RCOR3: variants seen among roughly 807,000 people sequenced by gnomAD.
RCOR3 encodes the protein REST corepressor 3.
RCOR3 carries 13 observed loss-of-function variants against 64.1 expected under a neutral mutation model. The ratio of observed to expected loss-of-function variants is 0.20; its 90% CI spans 0.13 to 0.32. The LOEUF (loss-of-function observed/expected upper bound fraction) is 0.32. Ranked by LOEUF, RCOR3 falls within the 10% of genes least tolerant of loss-of-function variation. The pLI, the probability that RCOR3 is intolerant of heterozygous loss-of-function variation, is 1.00. For synonymous variants in RCOR3, 215 were observed against 239.0 expected (o/e 0.90, Z 0.93); for missense variants, 489 against 701.2 (o/e 0.70, Z 3.42).
At chr1:211,307,482 A>T (rs989584516) in intron 10 of RCOR3, among the ~76,000 whole-genome samples, 50 of 8,298 alleles carry the variant, frequency 6.0e-3, no homozygotes, top group Non-Finnish European at 0.016. Flanking sequence ...CTCTGACTCA[A>T]AAAAAAAAGA....
intron 2 of RCOR3, among the ~76,000 whole-genome samples, chr1:211,270,281 TTGAACTCGTGACCTCAGG>T (rs1484539411): frequency 6.6e-6 from 1 of 152,142 alleles, no homozygotes; most frequent in Non-Finnish European, 1.5e-5. Flanking sequence ...CAGGCTAGTC[TTGAACTCGTGACCTCAGG>T]TGATCCGCCT....
chr1:211,309,050 A>G (rs2102669248), intron 10 of RCOR3, among the ~76,000 whole-genome samples: 1 of 147,476 alleles, frequency 6.8e-6, no homozygotes, highest in South Asian at 2.2e-4. Flanking sequence ...AAACATACCA[A>G]AGGTAGCTAT....
intron 8 of RCOR3, among the ~76,000 whole-genome samples, chr1:211,290,971 G>GT (rs1236109378): frequency 4.9e-5 from 7 of 143,894 alleles, no homozygotes; most frequent in African/African-American, 1.6e-4. Context: ...TTGTTTGTTT[G>GT]GTTTTTTTTT....
chr1:211,303,262 C>T (rs1700559354), intron 9 of RCOR3: 2 of 152,086 alleles, frequency 1.3e-5, no homozygotes, highest in South Asian at 4.1e-4. Flanking sequence ...TGAGTACTTG[C>T]ACCTCCTTAC....
At chr1:211,281,645 T>C (rs1163391991) in intron 7 of RCOR3, among the ~76,000 whole-genome samples, 1 of 152,248 alleles carries the variant, frequency 6.6e-6, no homozygotes, top group Non-Finnish European at 1.5e-5. Flanking sequence ...GTTTTAGATA[T>C]GTCGTTTAGT....
chr1:211,290,782 C>CT (rs2102580032), intron 8 of RCOR3, among the ~76,000 whole-genome samples: 1 of 152,258 alleles, frequency 6.6e-6, no homozygotes, highest in East Asian at 1.9e-4. Flanking sequence ...TCTTAAAGCT[C>CT]TTTGTTAGTT....
At chr1:211,289,643 TTCTA>T (rs1449342045) in intron 8 of RCOR3, among the ~76,000 whole-genome samples, 2 of 152,232 alleles carry the variant, frequency 1.3e-5, no homozygotes, top group Non-Finnish European at 2.9e-5. Context: ...AGCTTCAATG[TTCTA>T]TCTATAAAAT....
Position 211,295,343 on chromosome 1 carries a change from T to A in RCOR3, c.940-333T>A, listed in dbSNP as rs141810206. Among the ~76,000 whole-genome samples the A allele has an allele frequency of 1.7e-3, 264 of 152,286 alleles. 1 individual carries two copies. Among genetic ancestry groups the A allele is most frequent in the African/African-American group, 6.0e-3 (251 of 41,566 alleles). On this transcript the variant is annotated intron_variant, in intron 8 of 11. Coordinates refer to ENST00000419091, the MANE Select transcript of RCOR3 (RefSeq NM_001136223.3). ...ATCATTACTATTGGAAAAATTCTTA[T>A]TTAGTCAAAACACTATGGTAATGAG...
chr1:211,276,150 A>C (rs1696935806), intron 4 of RCOR3, 107 bp from the exon 5 acceptor site: 13 of 1,037,226 alleles, frequency 1.3e-5, no homozygotes, highest in Non-Finnish European at 1.8e-5. Flanking sequence ...GTCTATCTTC[A>C]GTCGAAGTCA....
chr1:211,292,724 C>G (rs1699388029), intron 8 of RCOR3, among the ~76,000 whole-genome samples: 1 of 152,182 alleles, frequency 6.6e-6, no homozygotes, highest in Non-Finnish European at 1.5e-5. Flanking sequence ...GTGCCACATA[C>G]TCTCAATTAC....
At chr1:211,276,211 G>T (rs2102496104) in intron 4 of RCOR3, 46 bp from the exon 5 acceptor site, 1 of 1,559,148 alleles carries the variant, frequency 6.4e-7, no homozygotes, top group East Asian at 2.3e-5. Flanking sequence ...AAGTGTGATG[G>T]AACATAAGTC....
intron 3 of RCOR3, 42 bp downstream of exon 3, chr1:211,271,351 A>T: frequency 6.6e-7 from 1 of 1,504,370 alleles, no homozygotes; most frequent in Non-Finnish European, 9.2e-7. Context: ...GCAGGAGTTT[A>T]TCAGCCAATT....
intron 2 of RCOR3, among the ~76,000 whole-genome samples, chr1:211,268,449 G>T (rs1428893783): frequency 7.7e-6 from 1 of 130,096 alleles, no homozygotes; most frequent in African/African-American, 2.9e-5. Context: ...GTGTGATCTC[G>T]GCTCACCGCA....
intron 1 of RCOR3, 184 bp from the exon 2 acceptor site, chr1:211,259,924 G>GCCC: frequency 2.2e-6 from 1 of 459,852 alleles, no homozygotes; most frequent in Non-Finnish European, 3.2e-6. Flanking sequence ...CTCCGCCTTT[G>GCCC]CCCCCCCCCG....
Position 211,259,451 on chromosome 1 carries a change from C to T in RCOR3, c.-110C>T, listed in dbSNP as rs994611069. Reference sequence around the variant, plus strand: ...CAGCCTCCTCCTCCTCCGCCGCCGCCGCCGTCTCCTCCTCCTCCTCCTTTC... The same window carrying T: ...CAGCCTCCTCCTCCTCCGCCGCCGCTGCCGTCTCCTCCTCCTCCTCCTTTC... On this transcript the variant is annotated 5_prime_UTR_variant, in exon 1 of 12. Coordinates refer to ENST00000419091, the MANE Select transcript of RCOR3 (RefSeq NM_001136223.3). 77 of 1,139,448 alleles carry T rather than the reference C, an allele frequency of 6.8e-5. No homozygotes were observed. The East Asian group carries it at 1.7e-3, about 25-fold the overall frequency. 70.6% of individuals were successfully genotyped at this position (1,139,448 alleles called of 1,614,324 possible). A position where few individuals can be genotyped will look rare whatever the true frequency, so the allele number is the denominator to read the frequency against.
At chr1:211,301,437 A>G (rs1700368789) in intron 9 of RCOR3, 1 of 152,172 alleles carries the variant, frequency 6.6e-6, no homozygotes, top group Non-Finnish European at 1.5e-5. Context: ...CCCCAAAACA[A>G]AACACAACTA....
At chr1:211,267,658 C>A in intron 2 of RCOR3, 1 of 200,946 alleles carries the variant, frequency 5.0e-6, no homozygotes, top group South Asian at 6.0e-5. Flanking sequence ...GTAGTGTGGT[C>A]ATGGCTCACT....
intron 9 of RCOR3, among the ~76,000 whole-genome samples, chr1:211,297,132 C>G (rs148977014): frequency 0.012 from 1,837 of 152,108 alleles, 14 homozygotes; most frequent in Middle Eastern, 0.071. Context: ...ACTCCAGGCC[C>G]AGACAGTTTT....
At chr1:211,293,550 C>T (rs1272863676) in intron 8 of RCOR3, among the ~76,000 whole-genome samples, 1 of 152,198 alleles carries the variant, frequency 6.6e-6, no homozygotes, top group Non-Finnish European at 1.5e-5. Flanking sequence ...TTTCCCTAAT[C>T]TTCCCCACCA....
Sources: gnomAD v4.1 joint callset for allele counts (sites outside exome capture counted in the v4.1 genomes callset) on GRCh38, gnomAD v4.1.1 for gene constraint, MANE v1.5 for transcripts, NCBI Gene and HGNC (gene_info 2026-07-23, HGNC 2026-07-21) for gene names.